Variants in CTNNA2 observed in about 807,000 individuals in gnomAD.
CTNNA2 encodes catenin alpha-2.
In CTNNA2, 42 loss-of-function variants were observed where a neutral mutation model predicts 101.0. That is an observed-to-expected ratio of 0.42 (90% CI 0.32 to 0.54). The LOEUF (loss-of-function observed/expected upper bound fraction) is 0.54, where lower values mean the gene tolerates loss of function less well. Ranked by LOEUF, CTNNA2 falls within the 20% of genes least tolerant of loss-of-function variation. The pLI is 0.14. For missense variants in CTNNA2, 871 were observed against 1,223.1 expected (o/e 0.71, Z 4.29); for synonymous variants, 450 against 456.4 (o/e 0.99, Z 0.18).
At chr2:80,623,716 G>T (rs1671381928) in intron 18 of CTNNA2, among the ~76,000 whole-genome samples, 1 of 151,882 alleles carries the variant, frequency 6.6e-6, no homozygotes, top group African/African-American at 2.4e-5. Flanking sequence ...GTAGGGAGTA[G>T]GTTCTTGGAG....
intron 7 of CTNNA2, among the ~76,000 whole-genome samples, chr2:80,009,895 T>C (rs1288695372): frequency 2.6e-5 from 4 of 152,132 alleles, no homozygotes; most frequent in Admixed American, 1.3e-4. Context: ...AGGACAGACT[T>C]GGGAAACAGA....
At chr2:80,101,479 C>A (rs1700540011) in intron 7 of CTNNA2, among the ~76,000 whole-genome samples, 1 of 152,156 alleles carries the variant, frequency 6.6e-6, no homozygotes, top group South Asian at 2.1e-4. Flanking sequence ...TTATCTTCTT[C>A]TGAAACTTTC....
intron 7 of CTNNA2, among the ~76,000 whole-genome samples, chr2:80,319,221 C>A (rs1405118605): frequency 6.6e-6 from 1 of 152,070 alleles, no homozygotes; most frequent in African/African-American, 2.4e-5. Flanking sequence ...TTAAATTCAT[C>A]AACTACTTTT....
intron 8 of CTNNA2, among the ~76,000 whole-genome samples, chr2:80,401,093 A>G (rs1242599396): frequency 6.6e-6 from 1 of 152,064 alleles, no homozygotes; most frequent in Non-Finnish European, 1.5e-5. Context: ...TATCCAGTAG[A>G]CTCCCAAAGC....
chr2:79,414,101 T>G (rs1678450319), intron 4 of CTNNA2, among the ~76,000 whole-genome samples: 1 of 151,756 alleles, frequency 6.6e-6, no homozygotes, highest in African/African-American at 2.4e-5. Context: ...TATATAAAAT[T>G]TAGGAAAACA....
At chr2:79,411,248 C>A (rs527438243) in intron 4 of CTNNA2, among the ~76,000 whole-genome samples, 8 of 152,014 alleles carry the variant, frequency 5.3e-5, no homozygotes, top group African/African-American at 1.4e-4. Flanking sequence ...TTTCAAAAAA[C>A]CAGCTCCTGG....
intron 7 of CTNNA2, among the ~76,000 whole-genome samples, chr2:80,350,738 A>G (rs951861512): frequency 1.3e-5 from 2 of 152,196 alleles, no homozygotes; most frequent in Admixed American, 6.5e-5. Flanking sequence ...TATCTGGAAG[A>G]TAACTGCTTA....
At chr2:80,570,679 A>G (rs531220909) in intron 12 of CTNNA2, among the ~76,000 whole-genome samples, 2 of 152,252 alleles carry the variant, frequency 1.3e-5, no homozygotes, top group South Asian at 4.1e-4. Context: ...CTCTATTTTA[A>G]AAATAAAGAA....
At chr2:79,286,674 G>GC (rs2104359398) in intron 2 of CTNNA2, among the ~76,000 whole-genome samples, 1 of 152,166 alleles carries the variant, frequency 6.6e-6, no homozygotes, top group East Asian at 1.9e-4. Flanking sequence ...TTTCTCTCTG[G>GC]CCGCCCTTAA....
chr2:80,560,243 T>C (rs2149671912), intron 12 of CTNNA2, among the ~76,000 whole-genome samples: 1 of 152,204 alleles, frequency 6.6e-6, no homozygotes, highest in African/African-American at 2.4e-5. Context: ...TTTTACAACA[T>C]TTCTATATAT....
At chr2:80,631,361 A>ATTTTTT (rs35491193) in intron 18 of CTNNA2, among the ~76,000 whole-genome samples, 16 of 108,346 alleles carry the variant, frequency 1.5e-4, no homozygotes, top group African/African-American at 5.2e-4. Flanking sequence ...GAAACCACTA[A>ATTTTTT]TTTTTTTTTT....
intron 1 of CTNNA2, among the ~76,000 whole-genome samples, chr2:79,534,725 T>C (rs897269674): frequency 2.0e-5 from 3 of 152,118 alleles, no homozygotes; most frequent in Non-Finnish European, 4.4e-5. Context: ...TTGTCCCCAG[T>C]TTCTGAAATA....
chr2:79,915,124 C>G (rs1307542987), intron 7 of CTNNA2, among the ~76,000 whole-genome samples: 1 of 151,888 alleles, frequency 6.6e-6, no homozygotes, highest in Non-Finnish European at 1.5e-5. Context: ...GCCACGAGAT[C>G]TCTAAGAATG....
At chr2:79,791,968 T>C (rs1056839668) in intron 3 of CTNNA2, among the ~76,000 whole-genome samples, 1 of 152,236 alleles carries the variant, frequency 6.6e-6, no homozygotes, top group African/African-American at 2.4e-5. Flanking sequence ...CCTGCATTCG[T>C]AATTGAATTT....
intron 2 of CTNNA2, among the ~76,000 whole-genome samples, chr2:79,687,104 T>C (rs1442043809): frequency 1.3e-5 from 2 of 152,110 alleles, no homozygotes; most frequent in African/African-American, 4.8e-5. Context: ...GATGGACACA[T>C]TCTGTGCTCA....
At chr2:80,510,763 C>T (rs917610057) in intron 9 of CTNNA2, among the ~76,000 whole-genome samples, 3 of 152,082 alleles carry the variant, frequency 2.0e-5, no homozygotes, top group South Asian at 2.1e-4. Flanking sequence ...ATCCTTGTGA[C>T]GTGAGAGTTA....
At chr2:79,575,986 C>T (rs933236795) in intron 1 of CTNNA2, among the ~76,000 whole-genome samples, 1 of 152,162 alleles carries the variant, frequency 6.6e-6, no homozygotes, top group African/African-American at 2.4e-5. Flanking sequence ...TAGTCTAAAG[C>T]GGTTAGCCCA....
At chr2:79,216,158 G>A (rs1378956693) in intron 2 of CTNNA2, among the ~76,000 whole-genome samples, 1 of 152,104 alleles carries the variant, frequency 6.6e-6, no homozygotes, top group Non-Finnish European at 1.5e-5. Context: ...ATTTGGAACG[G>A]CTGTCAAGTT....
chr2:79,943,256 A>T (rs947806503), intron 7 of CTNNA2, among the ~76,000 whole-genome samples: 1 of 151,032 alleles, frequency 6.6e-6, no homozygotes, highest in Admixed American at 6.7e-5. Flanking sequence ...TTCATAAAAC[A>T]ACTTTGCAGA....
Sources: allele counts gnomAD v4.1 joint callset (sites outside exome capture counted in the v4.1 genomes callset), GRCh38; gene constraint gnomAD v4.1.1; transcripts MANE v1.5; gene names NCBI Gene and HGNC (gene_info 2026-07-23, HGNC 2026-07-21).